NRXN3: variants seen among roughly 807,000 people sequenced by gnomAD.
NRXN3 encodes the protein neurexin III.
In NRXN3, 32 loss-of-function variants were observed where a neutral mutation model predicts 137.6. The ratio of observed to expected loss-of-function variants is 0.23; its 90% confidence interval spans 0.18 to 0.31. The LOEUF (loss-of-function observed/expected upper bound fraction) is 0.31. NRXN3 is among the 10% of genes least tolerant of loss of function. NRXN3 has a pLI of 1.00. For missense variants in NRXN3, 1,574 were observed against 2,062.5 expected, an observed-to-expected ratio of 0.76 and a Z score of 4.59; for synonymous variants, 798 against 784.5, an observed-to-expected ratio of 1.02 and a Z score of -0.29.
intron 15 of NRXN3, chr14:79,249,149 C>G (rs1356135635): frequency 2.0e-5 from 3 of 151,646 alleles, no homozygotes; most frequent in Admixed American, 1.3e-4. Context: ...TAGGGAGTGT[C>G]TGGAAAAAGG....
At chr14:78,567,535 G>A (rs1382303088) in intron 4 of NRXN3, among the ~76,000 whole-genome samples, 2 of 152,090 alleles carry the variant, frequency 1.3e-5, no homozygotes, top group Admixed American at 6.5e-5. Flanking sequence ...TCTTCCATGA[G>A]CTCCTGCCAA....
chr14:78,861,272 C>T (rs1225858882), intron 10 of NRXN3, among the ~76,000 whole-genome samples: 1 of 152,066 alleles, frequency 6.6e-6, no homozygotes, highest in Non-Finnish European at 1.5e-5. Flanking sequence ...CATTAATTTG[C>T]ATTAGCCAAA....
At chr14:79,384,626 G>C (rs2094555176) in intron 15 of NRXN3, among the ~76,000 whole-genome samples, 1 of 152,100 alleles carries the variant, frequency 6.6e-6, no homozygotes, top group Admixed American at 6.6e-5. Context: ...ACATCTTTTA[G>C]ACCACAGGCA....
chr14:79,553,419 A>G (rs2097395698), intron 16 of NRXN3, among the ~76,000 whole-genome samples: 1 of 152,160 alleles, frequency 6.6e-6, no homozygotes, highest in African/African-American at 2.4e-5. Flanking sequence ...TAGGACGTTC[A>G]GCCAAAAATT....
At chr14:79,044,399 G>A (rs777141769) in intron 15 of NRXN3, among the ~76,000 whole-genome samples, 5 of 152,154 alleles carry the variant, frequency 3.3e-5, no homozygotes, top group Non-Finnish European at 7.3e-5. Flanking sequence ...AACCTGGGCC[G>A]AGTTAAAAGT....
intron 15 of NRXN3, among the ~76,000 whole-genome samples, chr14:79,242,936 C>T (rs528664816): frequency 5.3e-5 from 8 of 152,118 alleles, no homozygotes; most frequent in Non-Finnish European, 1.2e-4. Context: ...CATACAGGAC[C>T]TTAAGAACTC....
chr14:79,467,951 A>C (rs899198013), intron 16 of NRXN3, among the ~76,000 whole-genome samples: 12 of 152,236 alleles, frequency 7.9e-5, no homozygotes, highest in African/African-American at 2.9e-4. Context: ...CTATAAAAAC[A>C]AGCTGCAGGC....
At chr14:78,343,081 A>G (rs377650544) in intron 4 of NRXN3, among the ~76,000 whole-genome samples, 39 of 152,300 alleles carry the variant, frequency 2.6e-4, no homozygotes, top group East Asian at 1.4e-3. Context: ...CCCTAGATCT[A>G]CTGAATCAGC....
chr14:79,844,364 T>C (rs1053331662), intron 20 of NRXN3, among the ~76,000 whole-genome samples: 1 of 150,538 alleles, frequency 6.6e-6, no homozygotes, highest in Non-Finnish European at 1.5e-5. Context: ...CGGATCCTTC[T>C]AACAATTTTT....
intron 15 of NRXN3, among the ~76,000 whole-genome samples, chr14:79,403,152 C>T (rs972109478): frequency 6.6e-6 from 1 of 151,936 alleles, no homozygotes; most frequent in African/African-American, 2.4e-5. Context: ...AATATCTGTC[C>T]CACTTTTCTC....
At chr14:79,243,261 T>C (rs1033299909) in intron 15 of NRXN3, among the ~76,000 whole-genome samples, 5 of 152,168 alleles carry the variant, frequency 3.3e-5, no homozygotes, top group Admixed American at 2.0e-4. Flanking sequence ...ATGTCATCTA[T>C]AATATAATTT....
chr14:79,682,983 A>G (rs947631846), intron 17 of NRXN3, among the ~76,000 whole-genome samples: 2 of 152,160 alleles, frequency 1.3e-5, no homozygotes, highest in African/African-American at 2.4e-5. Flanking sequence ...CAAAATAAAT[A>G]AGAAAATCCA....
rs775697290 is a variant in NRXN3 at position 78,966,248 on chromosome 14, C to G, written c.2619C>G (p.Val873=). Reference sequence around the variant, plus strand: ...TGAGGAACATCATCGCTGACCCTGTCACCTTTAAGACCAAGAGCAGCTACC... The same window carrying G: ...TGAGGAACATCATCGCTGACCCTGTGACCTTTAAGACCAAGAGCAGCTACC... ...FGLRNIIADP[V]TFKTKSSYLS... Residue 873 remains valine (V), a synonymous_variant, in exon 12 of 21, where the codon GTC becomes GTG. Transcript: ENST00000335750. 6.2e-7 allele frequency: 1 copy of G among 1,614,212 alleles called. No individual in the cohort carries two copies. Among genetic ancestry groups the G allele is most frequent in the African/African-American group, 1.3e-5 (1 of 75,062 alleles).
At chr14:78,596,382 A>G (rs1283114583) in intron 4 of NRXN3, among the ~76,000 whole-genome samples, 1 of 152,172 alleles carries the variant, frequency 6.6e-6, no homozygotes. Context: ...GTGGTACTGC[A>G]TCAGCCTAGT....
rs371891464 is a variant in NRXN3, at chr14:78,738,294, T to C, written c.2044+23155T>C. On this transcript the variant is annotated intron_variant, in intron 8 of 20. Coordinates refer to ENST00000335750, the MANE Select transcript of NRXN3 (RefSeq NM_001330195.2). ...ATCCTTCCCCTTAAGGAGCCAGCAG[T>C]TTAGTGGAAAAGACTAAATGGGCAT... Among the ~76,000 whole-genome samples, 5 of 152,160 alleles carry C rather than the reference T, an allele frequency of 3.3e-5. No individual in the cohort carries two copies. The East Asian group carries it at 7.7e-4, about 23-fold the overall frequency.
chr14:78,741,126 A>C (rs2098568104), intron 8 of NRXN3, among the ~76,000 whole-genome samples: 1 of 152,226 alleles, frequency 6.6e-6, no homozygotes, highest in African/African-American at 2.4e-5. Context: ...GTTATCAATT[A>C]GCAGTGACTG....
intron 2 of NRXN3, among the ~76,000 whole-genome samples, chr14:78,267,372 GGGC>G (rs1301243569): frequency 1.3e-5 from 2 of 152,086 alleles, no homozygotes; most frequent in South Asian, 4.2e-4. Flanking sequence ...ATCTGCCCAT[GGGC>G]CCATATGGTG....
In NRXN3 at chr14:79,061,317, C is replaced by G. The variant is rs2099673975; in HGVS notation, c.3262+73176C>G. Among the ~76,000 whole-genome samples the G allele has an allele frequency of 2.0e-5, 3 of 152,042 alleles. No individual in the cohort carries two copies. The South Asian group carries it at 6.2e-4, about 32-fold the overall frequency. ...TAATTCATGCTACAAAGCTGTAGAC[C>G]TTGGTGCTATCTGATACAGAGATCT... is the stretch of plus-strand genomic sequence containing the variant. On this transcript the variant is annotated intron_variant, in intron 15 of 20. Coordinates refer to ENST00000335750, the MANE Select transcript of NRXN3 (RefSeq NM_001330195.2).
chr14:79,771,330 A>C (rs1165509708), intron 19 of NRXN3, among the ~76,000 whole-genome samples: 2 of 152,172 alleles, frequency 1.3e-5, no homozygotes, highest in Non-Finnish European at 2.9e-5. Context: ...CAAAAAAGAG[A>C]ATTTTAGACC....
Sources: allele counts gnomAD v4.1 joint callset (sites outside exome capture counted in the v4.1 genomes callset), GRCh38; gene constraint gnomAD v4.1.1; transcripts MANE v1.5; gene names NCBI Gene and HGNC (gene_info 2026-07-23, HGNC 2026-07-21).